ASCC1: variants seen among roughly 807,000 people sequenced by gnomAD.
The protein encoded by ASCC1 is ASC-1 complex subunit P50.
Under a neutral mutation model 46.6 loss-of-function variants are expected in ASCC1, and 35 were observed. The observed-to-expected ratio is 0.75, with a 90% CI of 0.57 to 0.99. The LOEUF is 0.99. Among genes scored for constraint, ASCC1 ranks in the 50% least tolerant of loss-of-function variants. The pLI, the probability that ASCC1 is intolerant of heterozygous loss-of-function variation, is 0.00. For synonymous variants in ASCC1, 143 were observed against 146.6 expected (o/e 0.98, Z 0.18); for missense variants, 376 against 428.7 (o/e 0.88, Z 1.09).
At chr10:72,118,075 A>C (rs557010481) in intron 9 of ASCC1, among the ~76,000 whole-genome samples, 6 of 152,352 alleles carry the variant, frequency 3.9e-5, no homozygotes, top group South Asian at 2.1e-4. Context: ...GTGACTAAGC[A>C]AATAATTTTC....
intron 9 of ASCC1, among the ~76,000 whole-genome samples, chr10:72,122,531 C>T (rs1028194116): frequency 6.6e-6 from 1 of 151,842 alleles, no homozygotes; most frequent in African/African-American, 2.4e-5. Flanking sequence ...CCTATAATCC[C>T]AACATTTTGT....
At chr10:72,143,635 T>A (rs1225187730) in intron 7 of ASCC1, among the ~76,000 whole-genome samples, 2 of 148,040 alleles carry the variant, frequency 1.4e-5, no homozygotes, top group Non-Finnish European at 3.0e-5. Flanking sequence ...TATGTAATCA[T>A]TTTTTTTCTA....
chr10:72,123,338 CA>C (rs1309214553), intron 9 of ASCC1, among the ~76,000 whole-genome samples: 1,601 of 58,916 alleles, frequency 0.027, 11 homozygotes, highest in African/African-American at 0.078. Context: ...GACTCCGTCT[CA>C]AAAAAAAAAA....
At chr10:72,184,409 T>TA (rs1853138839) in intron 5 of ASCC1, among the ~76,000 whole-genome samples, 1 of 152,100 alleles carries the variant, frequency 6.6e-6, no homozygotes, top group South Asian at 2.1e-4. Context: ...ATATGCTGTC[T>TA]AAAAAGAAAC....
chr10:72,112,277 C>T (rs1843000763), intron 9 of ASCC1, among the ~76,000 whole-genome samples: 1 of 152,154 alleles, frequency 6.6e-6, no homozygotes, highest in Non-Finnish European at 1.5e-5. Flanking sequence ...TATGCTACAA[C>T]ATAGGTGAAC....
At chr10:72,195,042 C>A (rs2133242970) in intron 5 of ASCC1, among the ~76,000 whole-genome samples, 1 of 151,754 alleles carries the variant, frequency 6.6e-6, no homozygotes, top group Non-Finnish European at 1.5e-5. Flanking sequence ...ATGCCCGGCC[C>A]AGATTATGTT....
At chr10:72,162,207 G>A (rs965360742) in intron 5 of ASCC1, among the ~76,000 whole-genome samples, 1 of 152,090 alleles carries the variant, frequency 6.6e-6, no homozygotes, top group Non-Finnish European at 1.5e-5. Context: ...ATCTCGCTCT[G>A]TTGCCCAGGC....
rs114389912 is a variant in ASCC1, at chr10:72,157,622, G to A, written c.626+3916C>T. On this transcript the variant is annotated intron_variant, in intron 6 of 9. Coordinates refer to ENST00000672957, the MANE Select transcript of ASCC1 (RefSeq NM_001198800.3). The stretch of plus-strand genomic sequence containing the variant: ...TTACATGACAAACTTTTGATGGATC[G>A]AGAACCAGAAAAGGTTACTCTCCTG... 3.2e-3 allele frequency among the ~76,000 whole-genome samples: 494 copies of A among 152,198 alleles called. 2 individuals are homozygous for A. Among genetic ancestry groups the A allele is most frequent in the African/African-American group, 0.011 (469 of 41,514 alleles).
At chr10:72,195,852 G>A (rs1019627444) in intron 5 of ASCC1, among the ~76,000 whole-genome samples, 40 of 151,666 alleles carry the variant, frequency 2.6e-4, no homozygotes, top group Admixed American at 6.6e-4. Context: ...AAAAAAGTAT[G>A]TGAGTGTACA....
At chr10:72,174,800 T>TCTCTAGCCTCGGCTTC (rs1251347809) in intron 5 of ASCC1, among the ~76,000 whole-genome samples, 2 of 152,164 alleles carry the variant, frequency 1.3e-5, no homozygotes, top group African/African-American at 2.4e-5. Flanking sequence ...TCATGTCACT[T>TCTCTAGCCTCGGCTTC]CTCTAGCCTC....
chr10:72,125,306 C>T (rs1047080437), intron 9 of ASCC1, among the ~76,000 whole-genome samples: 1 of 152,182 alleles, frequency 6.6e-6, no homozygotes, highest in Non-Finnish European at 1.5e-5. Context: ...GCCTATGCAG[C>T]TGTTAATATG....
At chr10:72,160,306 T>G (rs907978369) in intron 6 of ASCC1, among the ~76,000 whole-genome samples, 1 of 152,192 alleles carries the variant, frequency 6.6e-6, no homozygotes, top group African/African-American at 2.4e-5. Context: ...CATGTTAGAA[T>G]AGCATGGGGC....
chr10:72,129,161 C>T, intron 8 of ASCC1, among the ~76,000 whole-genome samples: 1 of 152,156 alleles, frequency 6.6e-6, no homozygotes, highest in Non-Finnish European at 1.5e-5. Flanking sequence ...AACTATGTCT[C>T]TAATGAGAAG....
At chr10:72,160,815 T>G (rs986320325) in intron 6 of ASCC1, among the ~76,000 whole-genome samples, 79 of 146,792 alleles carry the variant, frequency 5.4e-4, no homozygotes, top group South Asian at 2.6e-3. Context: ...CGGGCTTGGT[T>G]GCTCACGCCT....
At chr10:72,195,503 G>A (rs74234143) in intron 5 of ASCC1, among the ~76,000 whole-genome samples, 20,673 of 151,036 alleles carry the variant, frequency 0.14, 4,031 homozygotes, top group African/African-American at 0.43. Flanking sequence ...GAATGATTAC[G>A]CTTTCAAAAA....
chr10:72,180,324 G>C (rs998408623), intron 5 of ASCC1, among the ~76,000 whole-genome samples: 1 of 150,644 alleles, frequency 6.6e-6, no homozygotes, highest in Non-Finnish European at 1.5e-5. Context: ...AACTTCAAGA[G>C]ATAAAAAAAT....
intron 3 of ASCC1, among the ~76,000 whole-genome samples, chr10:72,210,135 C>G (rs1340915016): frequency 6.6e-6 from 1 of 150,858 alleles, no homozygotes; most frequent in African/African-American, 2.4e-5. Flanking sequence ...TCTGTAGAGT[C>G]ATGAGCCAAT....
At chr10:72,211,568 T>C (rs1265495092) in intron 2 of ASCC1, among the ~76,000 whole-genome samples, 1 of 151,256 alleles carries the variant, frequency 6.6e-6, no homozygotes, top group Non-Finnish European at 1.5e-5. Flanking sequence ...CAGAATGCGC[T>C]TGTCTCTTAA....
Position 72,196,819 on chromosome 10 carries a change from A to G in ASCC1, c.481T>C (p.Cys161Arg). ...LRFQEEVLAK[C>R]SMDHGVDSSI... ...GCTTTGTTTGCACTTACCATGGAGC[A>G]CTTCGCCAGTACTTCCTCCTGGAAT... Residue 161 changes from cysteine to arginine, a missense_variant, in exon 5 of 10, where the codon TGC (cysteine) becomes CGC (arginine). Cys to Arg is a radical substitution (Grantham distance 180). Coordinates refer to ENST00000672957, the MANE Select transcript of ASCC1 (RefSeq NM_001198800.3). 1 of 1,612,852 alleles carries G rather than the reference A, an allele frequency of 6.2e-7. No individual in the cohort carries two copies. The highest frequency in any genetic ancestry group is 1.3e-5 in the African/African-American group (1 of 74,946).
Sources: allele counts gnomAD v4.1 joint callset (sites outside exome capture counted in the v4.1 genomes callset), GRCh38; gene constraint gnomAD v4.1.1; transcripts MANE v1.5; gene names NCBI Gene and HGNC (gene_info 2026-07-23, HGNC 2026-07-21).